The following CSMD1 variants were observed in gnomAD, a reference collection of about 807,000 sequenced individuals.
CSMD1 encodes the protein CUB and sushi domain-containing protein 1.
Under a neutral mutation model 417.5 loss-of-function variants are expected in CSMD1, and 213 were observed. That is an observed-to-expected ratio of 0.51 (90% CI 0.46 to 0.57). The LOEUF is 0.57. Among genes scored for constraint, CSMD1 ranks in the 20% least tolerant of loss-of-function variants. The pLI is 0.00. For synonymous variants in CSMD1, 2,862 were observed against 1,736.8 expected (o/e 1.65, Z -16.11); for missense variants, 6,923 against 4,529.7 (o/e 1.53, Z -15.17).
chr8:3,634,994 G>A (rs188177908), intron 7 of CSMD1, among the ~76,000 whole-genome samples: 2 of 151,962 alleles, frequency 1.3e-5, no homozygotes, highest in Non-Finnish European at 2.9e-5. Context: ...AGAAATTTGT[G>A]TATCTAAACC....
At chr8:3,955,214 C>T (rs578101676) in intron 5 of CSMD1, among the ~76,000 whole-genome samples, 3 of 152,256 alleles carry the variant, frequency 2.0e-5, no homozygotes, top group Admixed American at 1.3e-4. Context: ...TTGAATGCGC[C>T]TCTCTCTCCT....
At chr8:4,085,280 A>C (rs1256036039) in intron 3 of CSMD1, among the ~76,000 whole-genome samples, 1 of 152,178 alleles carries the variant, frequency 6.6e-6, no homozygotes, top group Non-Finnish European at 1.5e-5. Flanking sequence ...TGCATAGAAT[A>C]AGAACATCCT....
intron 3 of CSMD1, among the ~76,000 whole-genome samples, chr8:4,046,671 G>A (rs892807260): frequency 2.0e-5 from 3 of 152,134 alleles, no homozygotes; most frequent in Non-Finnish European, 4.4e-5. Context: ...CACTGGGAAT[G>A]TTTATTTCCA....
intron 7 of CSMD1, among the ~76,000 whole-genome samples, chr8:3,622,220 G>A (rs560929819): frequency 1.3e-5 from 2 of 152,204 alleles, no homozygotes; most frequent in South Asian, 2.1e-4. Flanking sequence ...CTTCTGCCAC[G>A]TTTATTCTTT....
At chr8:4,582,136 A>G (rs1799450910) in intron 2 of CSMD1, among the ~76,000 whole-genome samples, 1 of 151,738 alleles carries the variant, frequency 6.6e-6, no homozygotes, top group Non-Finnish European at 1.5e-5. Flanking sequence ...GTAGCACATG[A>G]GGAATAATCC....
At chr8:3,522,252 A>G (rs1797539848) in intron 10 of CSMD1, among the ~76,000 whole-genome samples, 2 of 152,224 alleles carry the variant, frequency 1.3e-5, no homozygotes, top group African/African-American at 4.8e-5. Context: ...ATTACTTTGA[A>G]AACAATAATT....
chr8:4,595,445 C>G (rs1047560452), intron 2 of CSMD1, among the ~76,000 whole-genome samples: 1 of 143,974 alleles, frequency 6.9e-6, no homozygotes, highest in African/African-American at 2.5e-5. Context: ...AATGGAAAGG[C>G]CTGGTAAGAC....
At chr8:4,479,214 A>G (rs1800958909) in intron 2 of CSMD1, among the ~76,000 whole-genome samples, 2 of 152,224 alleles carry the variant, frequency 1.3e-5, no homozygotes, top group Non-Finnish European at 2.9e-5. Context: ...CCCTGAGAAG[A>G]TACCCCTGGA....
chr8:2,985,127 C>A (rs1263910284), intron 54 of CSMD1, among the ~76,000 whole-genome samples: 1 of 152,152 alleles, frequency 6.6e-6, no homozygotes. Flanking sequence ...TAAACTGTGA[C>A]ACAATTTTTA....
intron 2 of CSMD1, among the ~76,000 whole-genome samples, chr8:4,488,972 C>T (rs143683460): frequency 6.6e-5 from 10 of 152,254 alleles, no homozygotes; most frequent in African/African-American, 1.7e-4. Flanking sequence ...AGTGCAGTGG[C>T]GCGATCTTGG....
At chr8:4,242,607 G>C (rs989864777) in intron 3 of CSMD1, among the ~76,000 whole-genome samples, 1 of 152,108 alleles carries the variant, frequency 6.6e-6, no homozygotes. Context: ...AAATAAACCA[G>C]ACTACTGCTA....
chr8:4,207,024 C>T (rs1800019305), intron 3 of CSMD1, among the ~76,000 whole-genome samples: 1 of 152,134 alleles, frequency 6.6e-6, no homozygotes, highest in South Asian at 2.1e-4. Context: ...ACATATTCCT[C>T]TTTAAATGTG....
intron 5 of CSMD1, among the ~76,000 whole-genome samples, chr8:3,993,102 G>C (rs190913748): frequency 4.1e-4 from 63 of 152,348 alleles, no homozygotes; most frequent in African/African-American, 1.5e-3. Context: ...AAATGAGTTA[G>C]CAGCACTGAT....
At chr8:3,326,197 T>C (rs943671194) in intron 23 of CSMD1, among the ~76,000 whole-genome samples, 4 of 152,222 alleles carry the variant, frequency 2.6e-5, no homozygotes, top group Admixed American at 1.3e-4. Flanking sequence ...ATGATATACA[T>C]GTTGGTCAGT....
intron 26 of CSMD1, among the ~76,000 whole-genome samples, chr8:3,258,028 A>G (rs1453589980): frequency 2.0e-5 from 3 of 152,186 alleles, no homozygotes; most frequent in Non-Finnish European, 2.9e-5. Context: ...AGACTCAGCC[A>G]TGGGAGATGG....
intron 3 of CSMD1, among the ~76,000 whole-genome samples, chr8:4,128,334 G>A (rs1802887987): frequency 6.6e-6 from 1 of 152,176 alleles, no homozygotes; most frequent in Non-Finnish European, 1.5e-5. Context: ...TTAATGAGGA[G>A]ACAAGAACGT....
chr8:3,960,102 G>A (rs917114101), intron 5 of CSMD1, among the ~76,000 whole-genome samples: 17 of 152,162 alleles, frequency 1.1e-4, no homozygotes, highest in African/African-American at 4.1e-4. Flanking sequence ...GAGCTAAGTG[G>A]AAACACAGGT....
chr8:3,348,064 T>C lies in CSMD1; in HGVS notation c.3402A>G (p.Ile1134Met), dbSNP rs755184613. Residue 1134 changes from isoleucine to methionine, a missense_variant, in exon 22 of 70, where the codon ATA (isoleucine) becomes ATG (methionine). Coordinates refer to ENST00000635120, the MANE Select transcript of CSMD1 (RefSeq NM_033225.6). ...YDNNHECIYK[I>M]ETEAGKGIHL... is the part of the protein sequence containing the mutation. Reference sequence around the variant, plus strand: ...GGATGCCCTTGCCGGCTTCTGTTTCTATTTTATAGATACACTCATGGTTAT... The same window carrying C: ...GGATGCCCTTGCCGGCTTCTGTTTCCATTTTATAGATACACTCATGGTTAT... 2 of 1,612,686 alleles carry C rather than the reference T, an allele frequency of 1.2e-6. No individual in the cohort carries two copies. Among genetic ancestry groups the C allele is most frequent in the Non-Finnish European group, 1.7e-6 (2 of 1,179,232 alleles).
At chr8:3,404,369 T>C (rs1445830321) in intron 15 of CSMD1, among the ~76,000 whole-genome samples, 4 of 151,352 alleles carry the variant, frequency 2.6e-5, no homozygotes, top group East Asian at 1.9e-4. Context: ...GCGTTTCTAC[T>C]TTGAGTAATG....
Sources: gnomAD v4.1 joint callset for allele counts (sites outside exome capture counted in the v4.1 genomes callset) on GRCh38, gnomAD v4.1.1 for gene constraint, MANE v1.5 for transcripts, NCBI Gene and HGNC (gene_info 2026-07-23, HGNC 2026-07-21) for gene names.